Variants in CCSER1 observed in about 807,000 individuals in gnomAD.
CCSER1 encodes coiled-coil serine rich protein 1.
A neutral mutation model predicts 82.0 loss-of-function variants in CCSER1; 41 were observed. The observed-to-expected ratio is 0.50, with a 90% CI of 0.39 to 0.65. CCSER1 has a LOEUF of 0.65. CCSER1 is among the 30% of genes least tolerant of loss of function. CCSER1 has a pLI of 0.00. For synonymous variants in CCSER1, 414 were observed against 383.9 expected (o/e 1.08, Z -0.92); for missense variants, 1,119 against 1,064.2 (o/e 1.05, Z -0.72).
chr4:91,028,723 T>A (rs1457576824), intron 9 of CCSER1, among the ~76,000 whole-genome samples: 1 of 151,490 alleles, frequency 6.6e-6, no homozygotes, highest in Non-Finnish European at 1.5e-5. Flanking sequence ...AAAAAAAAAA[T>A]TAATGCTCGA....
intron 1 of CCSER1, among the ~76,000 whole-genome samples, chr4:90,210,807 A>G (rs894754879): frequency 3.3e-5 from 5 of 152,198 alleles, no homozygotes; most frequent in African/African-American, 1.2e-4. Context: ...AAATGATTGT[A>G]TGACTTTGTT....
chr4:91,496,735 T>TTC (rs1758897681), intron 10 of CCSER1, among the ~76,000 whole-genome samples: 1 of 72,180 alleles, frequency 1.4e-5, no homozygotes, highest in African/African-American at 4.5e-5. Flanking sequence ...TATATATATA[T>TTC]ATTGAATATA....
rs77602178 is a variant in CCSER1 at position 90,166,610 on chromosome 4, G to A, written c.-42+38779G>A. Among the ~76,000 whole-genome samples, 16 of 152,014 alleles carry A rather than the reference G, an allele frequency of 1.1e-4. No homozygotes were observed. In the East Asian group the frequency reaches 2.7e-3, roughly 26 times the overall value. Reference sequence around the variant, plus strand: ...TAATAAAATGCCTATATAAGTTTAAGGAGTATAATTCAATTAAGCCTTCTT... The same window carrying A: ...TAATAAAATGCCTATATAAGTTTAAAGAGTATAATTCAATTAAGCCTTCTT... On this transcript the variant is annotated intron_variant, in intron 1 of 10. Coordinates refer to ENST00000509176, the MANE Select transcript of CCSER1 (RefSeq NM_001145065.2).
chr4:90,441,177 C>T (rs955137685), intron 4 of CCSER1, among the ~76,000 whole-genome samples: 9 of 152,070 alleles, frequency 5.9e-5, no homozygotes, highest in African/African-American at 1.7e-4. Context: ...GGCTTCCTCA[C>T]GCAAGAAAAT....
chr4:90,226,389 C>T (rs1480328681), intron 1 of CCSER1, among the ~76,000 whole-genome samples: 1 of 152,176 alleles, frequency 6.6e-6, no homozygotes, highest in Non-Finnish European at 1.5e-5. Flanking sequence ...TTCTATCATA[C>T]CTATGCCCGT....
chr4:91,560,205 T>C (rs1762590734), intron 10 of CCSER1, among the ~76,000 whole-genome samples: 1 of 151,536 alleles, frequency 6.6e-6, no homozygotes, highest in Admixed American at 6.6e-5. Context: ...AGATTGATGT[T>C]GCTACCATAT....
intron 10 of CCSER1, among the ~76,000 whole-genome samples, chr4:91,309,285 G>T (rs1745281074): frequency 6.6e-6 from 1 of 151,950 alleles, no homozygotes; most frequent in Non-Finnish European, 1.5e-5. Context: ...TGTTAATACA[G>T]CTATTTAAAA....
At chr4:91,571,505 G>T (rs908819235) in intron 10 of CCSER1, among the ~76,000 whole-genome samples, 2 of 151,972 alleles carry the variant, frequency 1.3e-5, no homozygotes, top group African/African-American at 4.8e-5. Flanking sequence ...CATGTCAGAA[G>T]GCACCTCTTC....
intron 10 of CCSER1, among the ~76,000 whole-genome samples, chr4:91,547,927 G>A (rs533568357): frequency 1.4e-4 from 21 of 152,028 alleles, no homozygotes; most frequent in East Asian, 3.9e-4. Context: ...GATTACAGGC[G>A]CATGCCACCA....
chr4:90,450,820 G>A (rs1473489015), intron 4 of CCSER1, among the ~76,000 whole-genome samples: 1 of 152,126 alleles, frequency 6.6e-6, no homozygotes, highest in Non-Finnish European at 1.5e-5. Flanking sequence ...ATGCGATTGG[G>A]CCTCTGATAG....
At chr4:90,257,219 A>G (rs1036701824) in intron 1 of CCSER1, among the ~76,000 whole-genome samples, 1 of 152,026 alleles carries the variant, frequency 6.6e-6, no homozygotes, top group Admixed American at 6.6e-5. Flanking sequence ...AATGTTATAT[A>G]TATATATATA....
At chr4:90,884,805 G>A (rs1721875397) in intron 8 of CCSER1, among the ~76,000 whole-genome samples, 1 of 152,044 alleles carries the variant, frequency 6.6e-6, no homozygotes, top group African/African-American at 2.4e-5. Context: ...TTCCAGAAGA[G>A]GAGTGATTTT....
chr4:90,713,804 A>T (rs1255924452), intron 6 of CCSER1, among the ~76,000 whole-genome samples: 2 of 151,780 alleles, frequency 1.3e-5, no homozygotes, highest in African/African-American at 4.8e-5. Flanking sequence ...TTCAGTCTCT[A>T]CATAATCCCA....
chr4:91,539,193 G>A (rs1487794624), intron 10 of CCSER1, among the ~76,000 whole-genome samples: 1 of 151,866 alleles, frequency 6.6e-6, no homozygotes, highest in African/African-American at 2.4e-5. Flanking sequence ...GAATAATCGA[G>A]TCCATGTGCT....
chr4:90,284,782 T>C (rs1729561341), intron 1 of CCSER1, among the ~76,000 whole-genome samples: 2 of 152,036 alleles, frequency 1.3e-5, no homozygotes, highest in Admixed American at 6.6e-5. Context: ...CATGAGCCAC[T>C]GTGCCTGGCC....
intron 8 of CCSER1, among the ~76,000 whole-genome samples, chr4:90,890,418 G>A (rs1412097228): frequency 6.6e-6 from 1 of 152,162 alleles, no homozygotes; most frequent in Non-Finnish European, 1.5e-5. Flanking sequence ...GTGTGTGGGT[G>A]TGTGCACATG....
chr4:91,039,064 C>G (rs2150572960), intron 9 of CCSER1, among the ~76,000 whole-genome samples: 1 of 152,216 alleles, frequency 6.6e-6, no homozygotes, highest in Non-Finnish European at 1.5e-5. Flanking sequence ...GGGTCTCACT[C>G]TGCACCCAGG....
chr4:90,275,802 T>C (rs777924341), intron 1 of CCSER1, among the ~76,000 whole-genome samples: 2 of 152,150 alleles, frequency 1.3e-5, no homozygotes, highest in Non-Finnish European at 2.9e-5. Flanking sequence ...CATCAGGAAA[T>C]TGATTATACA....
chr4:91,505,666 C>T (rs112717631), intron 10 of CCSER1, among the ~76,000 whole-genome samples: 3,090 of 152,156 alleles, frequency 0.02, 54 homozygotes, highest in Non-Finnish European at 0.03. Context: ...ATCTCATTCT[C>T]GTTTTGATTT....
Sources: gnomAD v4.1 joint callset for allele counts (sites outside exome capture counted in the v4.1 genomes callset) on GRCh38, gnomAD v4.1.1 for gene constraint, MANE v1.5 for transcripts, NCBI Gene and HGNC (gene_info 2026-07-23, HGNC 2026-07-21) for gene names.